The following RBMS2 variants were observed in gnomAD, a reference collection of about 807,000 sequenced individuals.
The protein encoded by RBMS2 is RNA binding motif single stranded interacting protein 2, also known as RNA-binding motif, single-stranded-interacting protein 2.
Under a neutral mutation model 58.4 loss-of-function variants are expected in RBMS2, and 38 were observed. The observed-to-expected ratio is 0.65, with a 90% confidence interval of 0.50 to 0.85. RBMS2 has a LOEUF of 0.85. RBMS2 is among the 40% of genes least tolerant of loss of function. RBMS2 has a pLI of 0.00. For missense variants in RBMS2, 367 were observed against 503.7 expected (o/e 0.73, Z 2.60); for synonymous variants, 151 against 180.7 (o/e 0.84, Z 1.32).
chr12:56,564,593 C>A (rs576975248), intron 2 of RBMS2, among the ~76,000 whole-genome samples: 1 of 152,130 alleles, frequency 6.6e-6, no homozygotes, highest in Non-Finnish European at 1.5e-5. Context: ...CAAACTTATG[C>A]GCTCAATCAT....
chr12:56,524,799 A>C (rs1409558458), intron 1 of RBMS2, among the ~76,000 whole-genome samples: 1 of 152,050 alleles, frequency 6.6e-6, no homozygotes, highest in East Asian at 1.9e-4. Flanking sequence ...GGCTCACTGC[A>C]ACCTCCGCCT....
intron 5 of RBMS2, among the ~76,000 whole-genome samples, chr12:56,576,419 C>A (rs1419283949): frequency 6.6e-6 from 1 of 152,132 alleles, no homozygotes; most frequent in African/African-American, 2.4e-5. Flanking sequence ...AAATGCTACC[C>A]ACCCATTAGT....
intron 1 of RBMS2, 38 bp from the exon 2 acceptor site, chr12:56,562,379 G>T (rs745320664): frequency 1.3e-6 from 2 of 1,546,802 alleles, no homozygotes; most frequent in South Asian, 2.3e-5. Flanking sequence ...ACATGTAAAT[G>T]GATAATCCTT....
chr12:56,565,368 A>G (rs780501574), intron 2 of RBMS2, among the ~76,000 whole-genome samples: 15 of 150,796 alleles, frequency 9.9e-5, no homozygotes, highest in Non-Finnish European at 1.6e-4. Context: ...TTATTTTTTT[A>G]GTTTTTTTTC....
At chr12:56,569,315 T>G (rs897955839) in intron 3 of RBMS2, among the ~76,000 whole-genome samples, 4 of 152,130 alleles carry the variant, frequency 2.6e-5, no homozygotes, top group African/African-American at 9.7e-5. Context: ...GTGGTAGAAG[T>G]GGGTAAGTGA....
chr12:56,522,096 A>G lies in RBMS2; in HGVS notation c.66+7A>G, dbSNP rs774799066. ...CAATAGAAACAACAAGAAGGTAGGG[A>G]AAAGCGCTTTTTTGGTATCTAGCTA... On this transcript the variant is annotated splice_region_variant and intron_variant, in intron 1 of 13. Transcript: ENST00000262031. 11 of 1,584,104 alleles carry G rather than the reference A, an allele frequency of 6.9e-6. No individual in the cohort carries two copies. The African/African-American group carries it at 1.5e-4, about 21-fold the overall frequency.
Position 56,551,945 on chromosome 12 carries a change from G to A in RBMS2, c.67-10472G>A, listed in dbSNP as rs1052394752. Among the ~76,000 whole-genome samples the A allele has an allele frequency of 1.2e-4, 19 of 152,142 alleles. No homozygotes were observed. The South Asian group carries it at 2.3e-3, about 18-fold the overall frequency. ...TCTACTAAAAATACAAAACTTAGCC[G>A]GGCATGGTGGCATGCGCCTGTAGTC... On this transcript the variant is annotated intron_variant, in intron 1 of 13. Coordinates refer to ENST00000262031, the MANE Select transcript of RBMS2 (RefSeq NM_002898.4).
chr12:56,588,993 C>G lies in RBMS2; in HGVS notation c.1205C>G (p.Ser402Cys), dbSNP rs776608607. The G allele has an allele frequency of 2.5e-6, 4 of 1,614,196 alleles. No individual in the cohort carries two copies. The Admixed American group carries it at 5.0e-5, about 20-fold the overall frequency. ...GCACCCTCAGAGCATGGGGTCTATT[C>G]TTTCCAGTTCAACAAGTAACAGTGG... ...VDAPSEHGVY[S>C]FQFNK is the part of the protein sequence containing the mutation. Residue 402 changes from serine to cysteine, a missense_variant, in exon 13 of 14, where the codon TCT (serine) becomes TGT (cysteine). By Grantham distance (112) the Ser-to-Cys change is moderately radical. Coordinates refer to ENST00000262031, the MANE Select transcript of RBMS2 (RefSeq NM_002898.4).
At chr12:56,583,728 T>C (rs746983833) in intron 9 of RBMS2, among the ~76,000 whole-genome samples, 1 of 152,222 alleles carries the variant, frequency 6.6e-6, no homozygotes, top group Non-Finnish European at 1.5e-5. Flanking sequence ...TGCATGTCCC[T>C]TACTATAGGT....
chr12:56,584,514 G>A (rs931465591), intron 9 of RBMS2, among the ~76,000 whole-genome samples: 2 of 151,870 alleles, frequency 1.3e-5, no homozygotes, highest in African/African-American at 4.8e-5. Context: ...GGCCAGGCAC[G>A]GTGGCTCACG....
chr12:56,559,317 C>G (rs922306231), intron 1 of RBMS2, among the ~76,000 whole-genome samples: 3 of 151,438 alleles, frequency 2.0e-5, no homozygotes, highest in African/African-American at 7.3e-5. Context: ...CCCTGAGTAG[C>G]TGGGACTACA....
chr12:56,589,263 C>T lies in RBMS2; in HGVS notation c.*130C>T. 1 of 1,445,544 alleles carries T rather than the reference C, an allele frequency of 6.9e-7. No homozygotes were observed. The highest frequency in any genetic ancestry group is 3.0e-5 in the East Asian group (1 of 32,922). 89.5% of individuals were successfully genotyped at this position (1,445,544 alleles called of 1,614,324 possible). On this transcript the variant is annotated 3_prime_UTR_variant, in exon 14 of 14. Coordinates refer to ENST00000262031, the MANE Select transcript of RBMS2 (RefSeq NM_002898.4). ...GCCCTGCTAAGGACTAACACTTAGCCATCGTTTTTCACAGGCCTGGGCCTG... is the reference window on the plus strand; with the variant it reads ...GCCCTGCTAAGGACTAACACTTAGCTATCGTTTTTCACAGGCCTGGGCCTG...
chr12:56,554,505 A>T (rs933059724), intron 1 of RBMS2, among the ~76,000 whole-genome samples: 1 of 152,176 alleles, frequency 6.6e-6, no homozygotes, highest in Non-Finnish European at 1.5e-5. Flanking sequence ...CAAACACTGC[A>T]TGTTCTTGCT....
intron 1 of RBMS2, among the ~76,000 whole-genome samples, chr12:56,546,266 C>T (rs1223161085): frequency 6.1e-5 from 9 of 147,010 alleles, no homozygotes; most frequent in Non-Finnish European, 8.9e-5. Flanking sequence ...TACAGGCACC[C>T]GCCACCATGG....
At chr12:56,560,133 G>T (rs1377849873) in intron 1 of RBMS2, among the ~76,000 whole-genome samples, 1 of 151,878 alleles carries the variant, frequency 6.6e-6, no homozygotes, top group Admixed American at 6.6e-5. Flanking sequence ...GACCTCAAAT[G>T]ATCCACCCGC....
At chr12:56,569,837 G>A in intron 3 of RBMS2, 62 bp from the exon 4 acceptor site, 1 of 1,377,208 alleles carries the variant, frequency 7.3e-7, no homozygotes. Flanking sequence ...CTCCTGAAAA[G>A]CCTGGACCTC....
rs1241556242 is a variant in RBMS2 at position 56,591,400 on chromosome 12, TG to T, written c.*2270del. ...CTAGGGGTGAGGGAGTGCGGGGCAA[TG>T]GGTAGGATATAAAGCGTAAAGGACA... On this transcript the variant is annotated 3_prime_UTR_variant, in exon 14 of 14. Coordinates refer to ENST00000262031, the MANE Select transcript of RBMS2 (RefSeq NM_002898.4). The T allele has an allele frequency of 6.6e-6, 1 of 151,830 alleles. No individual in the cohort carries two copies. The highest frequency in any genetic ancestry group is 2.4e-5 in the African/African-American group (1 of 41,272). The allele number at this position is 151,830 out of a possible 1,614,324, so 9.4% of individuals were successfully genotyped here.
intron 1 of RBMS2, among the ~76,000 whole-genome samples, chr12:56,529,334 C>A (rs1873263261): frequency 6.6e-6 from 1 of 152,138 alleles, no homozygotes; most frequent in African/African-American, 2.4e-5. Flanking sequence ...AGGTGGATTG[C>A]TGGAGCCCAG....
At chr12:56,579,660 G>A (rs1883636624) in intron 5 of RBMS2, among the ~76,000 whole-genome samples, 1 of 151,890 alleles carries the variant, frequency 6.6e-6, no homozygotes, top group African/African-American at 2.4e-5. Context: ...TCTTTTATAG[G>A]AATGGTTCAT....
Sources: allele counts gnomAD v4.1 joint callset (sites outside exome capture counted in the v4.1 genomes callset), GRCh38; gene constraint gnomAD v4.1.1; transcripts MANE v1.5; gene names NCBI Gene and HGNC (gene_info 2026-07-23, HGNC 2026-07-21).